The following KIF6 variants were observed in gnomAD, a reference collection of about 807,000 sequenced individuals.
KIF6 encodes the protein kinesin family member 6, also known as kinesin-like protein KIF6.
In KIF6, 106 loss-of-function variants were observed where a neutral mutation model predicts 112.7. That is an observed-to-expected ratio of 0.94 (90% CI 0.80 to 1.11). The LOEUF (loss-of-function observed/expected upper bound fraction) is 1.11, where lower values mean the gene tolerates loss of function less well. KIF6 is among the 50% of genes least tolerant of loss of function. The pLI, the probability that KIF6 is intolerant of heterozygous loss-of-function variation, is 0.00. For synonymous variants in KIF6, 339 were observed against 339.9 expected, an observed-to-expected ratio of 1.00 and a Z score of 0.03; for missense variants, 929 against 964.0, an observed-to-expected ratio of 0.96 and a Z score of 0.48.
At chr6:39,464,029 G>A (rs1353588917) in intron 13 of KIF6, among the ~76,000 whole-genome samples, 1 of 152,156 alleles carries the variant, frequency 6.6e-6, no homozygotes, top group East Asian at 1.9e-4. Context: ...GTTTGTGGCT[G>A]ATCATATTTA....
intron 13 of KIF6, among the ~76,000 whole-genome samples, chr6:39,453,192 G>A (rs1581889700): frequency 6.6e-6 from 1 of 152,272 alleles, no homozygotes; most frequent in Non-Finnish European, 1.5e-5. Context: ...CTTTGGCTGA[G>A]GAAACATTTG....
intron 3 of KIF6, among the ~76,000 whole-genome samples, chr6:39,676,499 C>T (rs923917846): frequency 6.6e-6 from 1 of 151,994 alleles, no homozygotes; most frequent in Admixed American, 6.6e-5. Context: ...TGAAAACAGG[C>T]AACACTTAGC....
chr6:39,423,423 T>G (rs147695981), intron 14 of KIF6, among the ~76,000 whole-genome samples: 1 of 152,086 alleles, frequency 6.6e-6, no homozygotes, highest in Non-Finnish European at 1.5e-5. Context: ...GCCTGTTCCT[T>G]GAATGTTGAT....
intron 10 of KIF6, among the ~76,000 whole-genome samples, chr6:39,551,931 G>A (rs1213877177): frequency 6.6e-6 from 1 of 152,206 alleles, no homozygotes; most frequent in African/African-American, 2.4e-5. Context: ...GGCCTATTAA[G>A]GCTTTGCTAT....
At chr6:39,432,202 G>A (rs1365558895) in intron 13 of KIF6, among the ~76,000 whole-genome samples, 1 of 152,098 alleles carries the variant, frequency 6.6e-6, no homozygotes, top group Non-Finnish European at 1.5e-5. Flanking sequence ...ATAGTTTTTT[G>A]TTTGTTTGTT....
At chr6:39,423,796 T>C (rs1348887709) in intron 14 of KIF6, among the ~76,000 whole-genome samples, 3 of 152,142 alleles carry the variant, frequency 2.0e-5, no homozygotes, top group Non-Finnish European at 4.4e-5. Flanking sequence ...AGCCATTCTC[T>C]ATCCTCAATA....
chr6:39,634,115 T>C (rs1345289404), intron 5 of KIF6, among the ~76,000 whole-genome samples: 1 of 152,152 alleles, frequency 6.6e-6, no homozygotes, highest in Non-Finnish European at 1.5e-5. Context: ...AGAATGAATA[T>C]GTGTTTCTAA....
chr6:39,413,731 GGAGA>G (rs1333842823), intron 15 of KIF6, among the ~76,000 whole-genome samples: 2 of 152,072 alleles, frequency 1.3e-5, no homozygotes, highest in African/African-American at 4.8e-5. Flanking sequence ...GGAGAGGAGA[GGAGA>G]GAGAGATGCA....
chr6:39,617,776 G>A, intron 5 of KIF6: 1 of 454,728 alleles, frequency 2.2e-6, no homozygotes, highest in Non-Finnish European at 4.4e-6. Flanking sequence ...CCCTGACCTA[G>A]AGCAATGTCA....
chr6:39,482,186 T>G (rs1051154384), intron 13 of KIF6, among the ~76,000 whole-genome samples: 2 of 152,026 alleles, frequency 1.3e-5, no homozygotes, highest in Non-Finnish European at 2.9e-5. Context: ...CCTAATGGAG[T>G]TTTAGGGACA....
intron 16 of KIF6, among the ~76,000 whole-genome samples, chr6:39,385,274 A>G (rs1384392013): frequency 2.0e-5 from 3 of 152,280 alleles, no homozygotes; most frequent in African/African-American, 7.2e-5. Flanking sequence ...TATTTCTGTT[A>G]GGATTAGTTA....
At position 39,693,394 on chromosome 6, in the gene KIF6, C is replaced by A. The variant is rs559422404; in HGVS notation, c.251+21298G>T. ...CCCAGATTTTAATTGGGTACACTGT[C>A]ACCCAACTAAAAGAATTACATTTCC... On this transcript the variant is annotated intron_variant, in intron 3 of 22. Transcript: ENST00000287152. 5.3e-5 allele frequency among the ~76,000 whole-genome samples: 8 copies of A among 152,284 alleles called. No homozygotes were observed. In the East Asian group the frequency reaches 1.3e-3, roughly 26 times the overall value.
At chr6:39,588,102 A>C (rs1197135068) in intron 7 of KIF6, among the ~76,000 whole-genome samples, 1 of 152,138 alleles carries the variant, frequency 6.6e-6, no homozygotes, top group Non-Finnish European at 1.5e-5. Flanking sequence ...TCTTATTCCC[A>C]AATTACAAAC....
intron 3 of KIF6, among the ~76,000 whole-genome samples, chr6:39,656,159 G>T (rs1301382870): frequency 6.6e-6 from 1 of 152,216 alleles, no homozygotes; most frequent in Non-Finnish European, 1.5e-5. Flanking sequence ...GCAACAGGGT[G>T]TGTGTATGTG....
chr6:39,583,674 C>CTTTTTTTTTTTTTTTTTTTTTTT (rs564229262), intron 9 of KIF6, among the ~76,000 whole-genome samples: 2 of 71,688 alleles, frequency 2.8e-5, no homozygotes, highest in African/African-American at 4.9e-5. Context: ...GATTTCACTT[C>CTTTTTTTTTTTTTTTTTTTTTTT]TTTTTTTTTT....
At chr6:39,632,718 G>A (rs1468282956) in intron 5 of KIF6, among the ~76,000 whole-genome samples, 8 of 152,102 alleles carry the variant, frequency 5.3e-5, no homozygotes, top group Admixed American at 3.9e-4. Flanking sequence ...TCTGCCTCCC[G>A]GGTTCAAGCG....
chr6:39,597,810 T>G (rs1782354589), intron 6 of KIF6, among the ~76,000 whole-genome samples: 1 of 152,106 alleles, frequency 6.6e-6, no homozygotes, highest in Admixed American at 6.6e-5. Flanking sequence ...ATAAAATCCA[T>G]CATAAAATTA....
chr6:39,331,024 C>G lies in KIF6; in HGVS notation c.*5508G>C, dbSNP rs72858446. 1.3e-5 allele frequency: 2 copies of G among 152,438 alleles called. No individual in the cohort carries two copies. The highest frequency in any genetic ancestry group is 2.9e-5 in the Non-Finnish European group (2 of 68,182). 9.4% of individuals were successfully genotyped at this position (152,438 alleles called of 1,614,324 possible). On this transcript the variant is annotated 3_prime_UTR_variant, in exon 23 of 23. Transcript: ENST00000287152. ...TCCCCTTTTTGCCAAGCTCCACGTC[C>G]TTTGCCTCTTCCCATCACCCAATAC...
At chr6:39,387,972 G>A (rs1194682080) in intron 15 of KIF6, among the ~76,000 whole-genome samples, 1 of 152,008 alleles carries the variant, frequency 6.6e-6, no homozygotes, top group Non-Finnish European at 1.5e-5. Flanking sequence ...CTGTTTCCTG[G>A]GTATCCGGCA....
Sources: gnomAD v4.1 joint callset for allele counts (sites outside exome capture counted in the v4.1 genomes callset) on GRCh38, gnomAD v4.1.1 for gene constraint, MANE v1.5 for transcripts, NCBI Gene and HGNC (gene_info 2026-07-23, HGNC 2026-07-21) for gene names.